The following ZNF554 variants were observed in gnomAD, a reference collection of about 807,000 sequenced individuals.
ZNF554 encodes the protein zinc finger protein 554.
Under a neutral mutation model 21.2 loss-of-function variants are expected in ZNF554, and 15 were observed. The ratio of observed to expected loss-of-function variants is 0.71; its 90% confidence interval spans 0.47 to 1.09. The LOEUF (loss-of-function observed/expected upper bound fraction) is 1.09, where lower values mean the gene tolerates loss of function less well. ZNF554 is among the 50% of genes least tolerant of loss of function. ZNF554 has a pLI of 0.00. For synonymous variants in ZNF554, 258 were observed against 251.4 expected (o/e 1.03, Z -0.25); for missense variants, 691 against 662.7 (o/e 1.04, Z -0.47).
At position 2,820,048 on chromosome 19, in the gene ZNF554, T is replaced by C; in HGVS notation, c.-24T>C. 1 of 1,204,766 alleles carries C rather than the reference T, an allele frequency of 8.3e-7. No individual in the cohort carries two copies. Among genetic ancestry groups the C allele is most frequent in the Non-Finnish European group, 1.0e-6 (1 of 970,332 alleles). The allele number at this position is 1,204,766 out of a possible 1,614,324, so 74.6% of individuals were successfully genotyped here. A position where few individuals can be genotyped will look rare whatever the true frequency, so the allele number is the denominator to read the frequency against. On this transcript the variant is annotated 5_prime_UTR_variant, in exon 1 of 5. Coordinates refer to ENST00000317243, the MANE Select transcript of ZNF554 (RefSeq NM_001102651.2). ...GGGCGCTCCCGCCTCGGGGGCCCTG[T>C]CTGGCGCCTCAGCGCGCGCCCCGAT...
Position 2,834,868 on chromosome 19 carries a change from T to C in ZNF554, c.*16T>C, listed in dbSNP as rs762720202. The C allele has an allele frequency of 4.5e-6, 7 of 1,554,036 alleles. No homozygotes were observed. The Admixed American group carries it at 1.3e-4, about 29-fold the overall frequency. On this transcript the variant is annotated 3_prime_UTR_variant, in exon 5 of 5. Coordinates refer to ENST00000317243, the MANE Select transcript of ZNF554 (RefSeq NM_001102651.2). ...TGGATATTAGCAATTGCACGCTGCT[T>C]TGTAAGCCACTTTTTAGTACTCTGA... is the stretch of plus-strand genomic sequence containing the variant.
chr19:2,827,672 T>G lies in ZNF554; in HGVS notation c.182T>G (p.Leu61Trp), dbSNP rs1218244071. ...GACTTCTCCCAGGAGGAGTGGGAGTTGCTGGAGCCTGCTCAGAAGAACCTG... is the reference window on the plus strand; with the variant it reads ...GACTTCTCCCAGGAGGAGTGGGAGTGGCTGGAGCCTGCTCAGAAGAACCTG... ...SMDFSQEEWE[L>W]LEPAQKNLYR... Residue 61 changes from leucine to tryptophan, a missense_variant, in exon 3 of 5, where the codon TTG becomes TGG. By Grantham distance (61) the Leu-to-Trp change is moderately conservative. Transcript: ENST00000317243. The G allele has an allele frequency of 6.2e-7, 1 of 1,614,078 alleles. No homozygotes were observed.
intron 2 of ZNF554, among the ~76,000 whole-genome samples, chr19:2,825,736 TG>T (rs1306199806): frequency 1.4e-4 from 21 of 151,934 alleles, no homozygotes; most frequent in African/African-American, 5.1e-4. Flanking sequence ...CGGAAGAGTT[TG>T]TTTTTTTTTT....
chr19:2,820,751 G>C (rs548142130), intron 1 of ZNF554, among the ~76,000 whole-genome samples: 1 of 139,166 alleles, frequency 7.2e-6, no homozygotes, highest in South Asian at 2.2e-4. Flanking sequence ...TGCAACCTCC[G>C]CCTCCCGGGT....
intron 3 of ZNF554, among the ~76,000 whole-genome samples, chr19:2,829,605 C>T (rs1360750796): frequency 6.6e-6 from 1 of 152,026 alleles, no homozygotes; most frequent in African/African-American, 2.4e-5. Flanking sequence ...CCACTGGACT[C>T]CAGCCTGGGC....
rs1048039398 is a variant in ZNF554, at chr19:2,823,071, G to A, written c.85G>A (p.Glu29Lys). The A allele has an allele frequency of 1.2e-6, 2 of 1,613,722 alleles. No individual in the cohort carries two copies. Among genetic ancestry groups the A allele is most frequent in the Non-Finnish European group, 8.5e-7 (1 of 1,179,694 alleles). ...CTGCCCAGGAACCTGCTTTTCCCAA[G>A]AGGAGAGAATGGCTGCTGGGTACCT... ...SACPGTCFSQEERMAAGYLPR... is the reference protein window; with the variant it reads ...SACPGTCFSQKERMAAGYLPR... Residue 29 changes from glutamate (E) to lysine (K), a missense_variant, in exon 2 of 5, where the codon GAG (glutamate) becomes AAG (lysine). Physicochemically the swap from Glu to Lys is moderately conservative, Grantham distance 56. Transcript: ENST00000317243.
At chr19:2,825,000 GT>G (rs1568332468) in intron 2 of ZNF554, among the ~76,000 whole-genome samples, 1 of 114,914 alleles carries the variant, frequency 8.7e-6, no homozygotes, top group Non-Finnish European at 1.8e-5. Flanking sequence ...CGTGATTGCA[GT>G]TGTTTTTTTT....
In ZNF554 at chr19:2,834,047, G is replaced by A. The variant is rs2087459832; in HGVS notation, c.812G>A (p.Arg271Lys). ...CATCAGCTGGGATATGCAGATCGGAGACCTTGTGAAAGTAATGAATGTGGA... is the reference window on the plus strand; with the variant it reads ...CATCAGCTGGGATATGCAGATCGGAAACCTTGTGAAAGTAATGAATGTGGA... ...NHHQLGYADR[R>K]PCESNECGNA... Residue 271 changes from arginine to lysine, a missense_variant, in exon 5 of 5, where the codon AGA becomes AAA. By Grantham distance (26) the Arg-to-Lys change is conservative. Coordinates refer to ENST00000317243, the MANE Select transcript of ZNF554 (RefSeq NM_001102651.2). 3 of 1,614,108 alleles carry A rather than the reference G, an allele frequency of 1.9e-6. No homozygotes were observed. The highest frequency in any genetic ancestry group is 1.3e-5 in the African/African-American group (1 of 75,034).
intron 1 of ZNF554, 56 bp downstream of exon 1, chr19:2,820,180 G>C (rs1478430792): frequency 1.7e-6 from 2 of 1,209,478 alleles, no homozygotes; most frequent in African/African-American, 3.1e-5. Flanking sequence ...CCGGGGCTCT[G>C]GTGGGGCTGG....
rs2087492412 is a variant in ZNF554 at position 2,835,971 on chromosome 19, C to T, written c.*1119C>T. ...AGCCTCTCCGGTAGCTGGGACTACA[C>T]ATGTGCACCGCTACCACACCCAGCT... On this transcript the variant is annotated 3_prime_UTR_variant, in exon 5 of 5. Coordinates refer to ENST00000317243, the MANE Select transcript of ZNF554 (RefSeq NM_001102651.2). Among the ~76,000 whole-genome samples, 1 of 152,042 alleles carries T rather than the reference C, an allele frequency of 6.6e-6. No homozygotes were observed. Among genetic ancestry groups the T allele is most frequent in the Admixed American group, 6.6e-5 (1 of 15,244 alleles).
chr19:2,825,791 G>C (rs2087324164), intron 2 of ZNF554, among the ~76,000 whole-genome samples: 1 of 152,110 alleles, frequency 6.6e-6, no homozygotes, highest in Admixed American at 6.6e-5. Context: ...ATAAGACAGG[G>C]GTGGACTGAA....
rs535285436 is a variant in ZNF554 at position 2,820,763 on chromosome 19, C to T, written c.53+639C>T. ...CACTGCAACCTCCGCCTCCCGGGTT[C>T]AAGCCATTGTCCTGCCTCAGCCTCC... On this transcript the variant is annotated intron_variant, in intron 1 of 4. Coordinates refer to ENST00000317243, the MANE Select transcript of ZNF554 (RefSeq NM_001102651.2). Among the ~76,000 whole-genome samples the T allele has an allele frequency of 3.6e-3, 529 of 148,240 alleles. 10 individuals are homozygous for T. The highest frequency in any genetic ancestry group is 0.013 in the African/African-American group (492 of 39,208).
In ZNF554 at chr19:2,836,334, G is replaced by T. The variant is rs550954178; in HGVS notation, c.*1482G>T. ...GAGCCACCCTGCTGGGATTATGGGT[G>T]CGAGCCGCCGTGCTGGGATTACAGG... On this transcript the variant is annotated 3_prime_UTR_variant, in exon 5 of 5. Transcript: ENST00000317243. Among the ~76,000 whole-genome samples, 4 of 152,208 alleles carry T rather than the reference G, an allele frequency of 2.6e-5. No homozygotes were observed. In the South Asian group the frequency reaches 6.2e-4, roughly 24 times the overall value.
intron 2 of ZNF554, among the ~76,000 whole-genome samples, chr19:2,824,156 G>T (rs554314871): frequency 6.6e-6 from 1 of 152,146 alleles, no homozygotes; most frequent in East Asian, 1.9e-4. Flanking sequence ...TGGGTCCTGC[G>T]CCTGGGAGGA....
intron 3 of ZNF554, chr19:2,831,701 G>C (rs1267608679): frequency 6.7e-6 from 1 of 149,682 alleles, no homozygotes; most frequent in Non-Finnish European, 1.5e-5. Flanking sequence ...CAGGGCTCAA[G>C]TGATCTTCCC....
At position 2,820,089 on chromosome 19, in the gene ZNF554, C is replaced by T. The variant is rs1440484213; in HGVS notation, c.18C>T (p.His6=). 1.2e-5 allele frequency: 15 copies of T among 1,215,778 alleles called. No homozygotes were observed. The East Asian group carries it at 5.0e-4, about 40-fold the overall frequency. 75.3% of individuals were successfully genotyped at this position (1,215,778 alleles called of 1,614,324 possible). MVTCA[H]LGRRARLPAA... is the part of the protein sequence containing the mutation. ...GCGCCCCGATGGTCACCTGCGCCCA[C>T]CTGGGCCGGCGCGCGCGGCTCCCGG... is the stretch of plus-strand genomic sequence containing the variant. The change falls in exon 1 of 5, where the codon CAC becomes CAT. Residue 6 remains histidine, a synonymous_variant. Transcript: ENST00000317243.
At chr19:2,822,989 C>T in intron 1 of ZNF554, 51 bp from the exon 2 acceptor site, 2 of 1,581,762 alleles carry the variant, frequency 1.3e-6, no homozygotes, top group Non-Finnish European at 1.7e-6. Context: ...GCTCTGGGAT[C>T]TGGGGACTGG....
At chr19:2,827,918 C>T (rs1335339423) in intron 3 of ZNF554, among the ~76,000 whole-genome samples, 175 bp downstream of exon 3, 5 of 151,952 alleles carry the variant, frequency 3.3e-5, no homozygotes, top group African/African-American at 7.3e-5. Flanking sequence ...TGGTGGAAGG[C>T]GAATGAGGAA....
chr19:2,825,732 AGTTT>A (rs1371710552), intron 2 of ZNF554, among the ~76,000 whole-genome samples: 1 of 151,454 alleles, frequency 6.6e-6, no homozygotes, highest in East Asian at 1.9e-4. Context: ...AAGTCGGAAG[AGTTT>A]GTTTTTTTTT....
Sources: allele counts gnomAD v4.1 joint callset (sites outside exome capture counted in the v4.1 genomes callset), GRCh38; gene constraint gnomAD v4.1.1; transcripts MANE v1.5; gene names NCBI Gene and HGNC (gene_info 2026-07-23, HGNC 2026-07-21).